NCOR2: variants seen among roughly 807,000 people sequenced by gnomAD.
NCOR2 encodes CTG repeat protein 26.
Under a neutral mutation model 262.9 loss-of-function variants are expected in NCOR2, and 81 were observed. The observed-to-expected ratio is 0.31, with a 90% CI of 0.26 to 0.37. The LOEUF (loss-of-function observed/expected upper bound fraction) is 0.37, where lower values mean the gene tolerates loss of function less well. Ranked by LOEUF, NCOR2 falls within the 10% of genes least tolerant of loss-of-function variation. The probability of loss-of-function intolerance (pLI) is 1.00; values close to 1 mark genes in which losing one functional copy is unlikely to be tolerated. For missense variants in NCOR2, 3,385 were observed against 3,621.4 expected (o/e 0.93, Z 1.68); for synonymous variants, 1,659 against 1,559.3 (o/e 1.06, Z -1.51).
chr12:124,426,619 C>A lies in NCOR2; in HGVS notation c.1328+3G>T. 1 of 1,579,278 alleles carries A rather than the reference C, an allele frequency of 6.3e-7. No homozygotes were observed. The highest frequency in any genetic ancestry group is 1.1e-5 in the South Asian group (1 of 87,330). ...AGGCCAGGCCAGGTGATGGAGGACT[C>A]ACTTCTCCCGGAAGGTCTCCTTCTC... On this transcript the variant is annotated splice_donor_region_variant and intron_variant, in intron 11 of 46. Coordinates refer to ENST00000405201, the Ensembl canonical transcript of NCOR2.
chr12:124,505,060 G>T (rs2048969559), intron 1 of NCOR2, among the ~76,000 whole-genome samples: 1 of 152,218 alleles, frequency 6.6e-6, no homozygotes, highest in Non-Finnish European at 1.5e-5. Flanking sequence ...TCGTTTGACA[G>T]GGGAAACTGA....
At chr12:124,342,127 TG>T (rs1275679094) in intron 33 of NCOR2, 53 bp from the exon 36 acceptor site, 4 of 1,554,166 alleles carry the variant, frequency 2.6e-6, no homozygotes, top group Non-Finnish European at 3.5e-6. Flanking sequence ...GGCCTGATGG[TG>T]TCGCTCCACC....
intron 1 of NCOR2, 104 bp downstream of exon 1, chr12:124,567,204 C>G (rs2052276136): frequency 6.6e-6 from 1 of 152,188 alleles, no homozygotes; most frequent in African/African-American, 2.4e-5. Context: ...GTGCAGGGGC[C>G]CCGCCAACTC....
chr12:124,560,209 G>A (rs543151605), intron 1 of NCOR2, among the ~76,000 whole-genome samples: 3 of 152,216 alleles, frequency 2.0e-5, no homozygotes, highest in Non-Finnish European at 4.4e-5. Flanking sequence ...AATATCTTCT[G>A]CAAAGGGCCA....
rs184295097 is a variant in NCOR2 at position 124,517,966 on chromosome 12, C to T, written c.-118+17599G>A. Reference sequence around the variant, plus strand: ...AGCCCCCAGCCCTGGCCACCACCTCCAGCGACAGAACTGGGGCTCTTTCCA... The same window carrying T: ...AGCCCCCAGCCCTGGCCACCACCTCTAGCGACAGAACTGGGGCTCTTTCCA... On this transcript the variant is annotated intron_variant, in intron 1 of 46. Transcript: ENST00000404621. The surrounding 1 kb of genome is among the most constrained non-coding windows in gnomAD (Gnocchi z 7.6). 7.9e-5 allele frequency among the ~76,000 whole-genome samples: 12 copies of T among 152,280 alleles called. No homozygotes were observed. The East Asian group carries it at 2.3e-3, about 29-fold the overall frequency.
intron 31 of NCOR2, among the ~76,000 whole-genome samples, chr12:124,346,031 G>A (rs2036897623): frequency 6.6e-6 from 1 of 152,200 alleles, no homozygotes; most frequent in Non-Finnish European, 1.5e-5. Flanking sequence ...CAACCTGCTG[G>A]TGGGTGCAGT....
chr12:124,401,331 G>A (rs958329298), intron 14 of NCOR2, among the ~76,000 whole-genome samples: 6 of 152,208 alleles, frequency 3.9e-5, no homozygotes, highest in Admixed American at 3.9e-4. Context: ...CAAATGGGAG[G>A]TACTGGGAGC....
At chr12:124,547,147 G>A (rs961109773) in intron 1 of NCOR2, among the ~76,000 whole-genome samples, 55 of 151,930 alleles carry the variant, frequency 3.6e-4, no homozygotes, top group African/African-American at 1.1e-3. Context: ...TCGCCACCAC[G>A]ACTGGCTACA....
intron 8 of NCOR2, among the ~76,000 whole-genome samples, chr12:124,433,950 C>T (rs2044182148): frequency 1.3e-5 from 2 of 151,496 alleles, no homozygotes; most frequent in Non-Finnish European, 2.9e-5. Context: ...CCGCCCCCCA[C>T]CCCCGCCAGC....
exon 40 of NCOR2, chr12:124,335,246 G>C (rs760412792): frequency 1.9e-6 from 3 of 1,608,022 alleles, no homozygotes; most frequent in Non-Finnish European, 1.7e-6. Flanking sequence ...GCAGGTGTGG[G>C]AGGTGGGCGG....
At chr12:124,387,568 A>G (rs1263821719) in intron 16 of NCOR2, among the ~76,000 whole-genome samples, 1 of 152,020 alleles carries the variant, frequency 6.6e-6, no homozygotes, top group Non-Finnish European at 1.5e-5. Context: ...TGGGGGTGGC[A>G]CTGACTGACA....
At chr12:124,516,534 C>T (rs1026924278) in intron 1 of NCOR2, among the ~76,000 whole-genome samples, 1 of 151,870 alleles carries the variant, frequency 6.6e-6, no homozygotes, top group Non-Finnish European at 1.5e-5. Flanking sequence ...TTAAATCCAA[C>T]CTTGTGGTTA....
At chr12:124,386,558 C>T (rs1220712536) in intron 16 of NCOR2, among the ~76,000 whole-genome samples, 1 of 152,154 alleles carries the variant, frequency 6.6e-6, no homozygotes, top group Non-Finnish European at 1.5e-5. Context: ...AATTTGCTCC[C>T]AAACCCCAAC....
chr12:124,536,283 G>A (rs2051112472), upstream of NCOR2, among the ~76,000 whole-genome samples: 1 of 152,030 alleles, frequency 6.6e-6, no homozygotes, highest in Non-Finnish European at 1.5e-5. Context: ...TCACCATGTT[G>A]CCCAGGCTGG....
At chr12:124,513,855 T>C (rs2049559126) in intron 1 of NCOR2, among the ~76,000 whole-genome samples, 2 of 152,168 alleles carry the variant, frequency 1.3e-5, no homozygotes, top group African/African-American at 2.4e-5. Flanking sequence ...GGTACCCCAG[T>C]GGCAGTCAGA....
intron 13 of NCOR2, among the ~76,000 whole-genome samples, chr12:124,414,741 G>A (rs890867868): frequency 8.5e-5 from 13 of 152,204 alleles, no homozygotes; most frequent in Admixed American, 4.6e-4. Context: ...GAGGGTGGGT[G>A]GGCTCACTGG....
chr12:124,427,421 G>A (rs1034304072), intron 10 of NCOR2, among the ~76,000 whole-genome samples: 6 of 152,242 alleles, frequency 3.9e-5, no homozygotes, highest in African/African-American at 1.4e-4. Flanking sequence ...GAGGCTCTGA[G>A]CCGCCACTCA....
intron 6 of NCOR2, among the ~76,000 whole-genome samples, chr12:124,451,089 C>T (rs1288591333): frequency 6.6e-6 from 1 of 152,270 alleles, no homozygotes; most frequent in Non-Finnish European, 1.5e-5. Context: ...TTAGCAAAAG[C>T]AGAGGCTTGA....
At chr12:124,391,422 T>A (rs2041295944) in intron 16 of NCOR2, among the ~76,000 whole-genome samples, 2 of 151,612 alleles carry the variant, frequency 1.3e-5, no homozygotes, top group African/African-American at 2.4e-5. Context: ...TAAAACCCTA[T>A]CAAAGTTGGG....
Sources: gnomAD v4.1 joint callset for allele counts (sites outside exome capture counted in the v4.1 genomes callset) on GRCh38, gnomAD v4.1.1 for gene constraint, Gnocchi (gnomAD v3.1) non-coding constraint, MANE v1.5 for transcripts, NCBI Gene and HGNC (gene_info 2026-07-23, HGNC 2026-07-21) for gene names.